Variants in OCA2 observed in about 807,000 individuals in gnomAD.
OCA2 encodes OCA2 melanosomal transmembrane protein.
Under a neutral mutation model 100.2 loss-of-function variants are expected in OCA2, and 77 were observed. That is an observed-to-expected ratio of 0.77 (90% CI 0.64 to 0.93). The LOEUF (loss-of-function observed/expected upper bound fraction) is 0.93. Ranked by LOEUF, OCA2 falls within the 40% of genes least tolerant of loss-of-function variation. The pLI, the probability that OCA2 is intolerant of heterozygous loss-of-function variation, is 0.00. For synonymous variants in OCA2, 432 were observed against 439.2 expected, an observed-to-expected ratio of 0.98 and a Z score of 0.21; for missense variants, 1,062 against 1,089.1, an observed-to-expected ratio of 0.98 and a Z score of 0.35.
At chr15:27,962,812 C>CTA (rs2040448873) in intron 15 of OCA2, among the ~76,000 whole-genome samples, 1 of 152,100 alleles carries the variant, frequency 6.6e-6, no homozygotes, top group South Asian at 2.1e-4. Context: ...AATCGCATCA[C>CTA]TAAGCACATT....
In OCA2 at chr15:27,968,986, C is replaced by CAA. The variant is rs61334149; in HGVS notation, c.1504-2166_1504-2165dup. ...TTTTAAATTCTTCTAAACTCAGAGG[C>CAA]AAAAAAAAAAAAAAAGGAACTGTTG... On this transcript the variant is annotated intron_variant, in intron 14 of 23. Transcript: ENST00000354638. Among the ~76,000 whole-genome samples the CAA allele has an allele frequency of 7.1e-5, 7 of 98,096 alleles. 1 individual carries two copies. The highest frequency in any genetic ancestry group is 2.0e-4 in the African/African-American group (6 of 30,238). The allele number at this position is 98,096 out of a possible 152,430, so 64.4% of individuals were successfully genotyped here.
intron 11 of OCA2, among the ~76,000 whole-genome samples, 157 bp downstream of exon 11, chr15:27,989,444 C>T (rs1361032679): frequency 2.0e-5 from 3 of 152,194 alleles, no homozygotes; most frequent in Non-Finnish European, 4.4e-5. Flanking sequence ...CCATTCCATT[C>T]CTCCTCAGGA....
At chr15:28,074,128 C>G (rs1264064233) in intron 2 of OCA2, among the ~76,000 whole-genome samples, 6 of 152,268 alleles carry the variant, frequency 3.9e-5, no homozygotes, top group Admixed American at 6.5e-5. Context: ...CCAAAGCAAT[C>G]TTGAGAAAGA....
chr15:27,997,040 AGAAAGAAGGAAGGAAG>A (rs892371042), intron 9 of OCA2, among the ~76,000 whole-genome samples: 2 of 149,554 alleles, frequency 1.3e-5, no homozygotes, highest in African/African-American at 4.9e-5. Context: ...AGAGAGAGAG[AGAAAGAAGGAAGGAAG>A]GAAAGAAGGA....
chr15:27,965,953 C>CTGTTTT (rs1555444556), intron 15 of OCA2, among the ~76,000 whole-genome samples: 18 of 150,928 alleles, frequency 1.2e-4, no homozygotes, highest in Admixed American at 1.2e-3. Context: ...TCAGCATCTG[C>CTGTTTT]TGTTTGTTTG....
intron 18 of OCA2, among the ~76,000 whole-genome samples, chr15:27,932,288 CT>C (rs1434868739): frequency 6.6e-6 from 1 of 152,222 alleles, no homozygotes; most frequent in East Asian, 1.9e-4. Context: ...AGGCATTCAT[CT>C]GTTTCACCTA....
chr15:27,997,332 T>C (rs574168248), intron 9 of OCA2, among the ~76,000 whole-genome samples: 1 of 152,290 alleles, frequency 6.6e-6, no homozygotes, highest in South Asian at 2.1e-4. Context: ...AAGTCTTTAA[T>C]CCATCTTGAA....
At chr15:27,938,413 C>T (rs140716504) in intron 18 of OCA2, among the ~76,000 whole-genome samples, 2 of 152,328 alleles carry the variant, frequency 1.3e-5, no homozygotes, top group Non-Finnish European at 2.9e-5. Flanking sequence ...TCATTGCTCA[C>T]TAGACCAAGT....
At chr15:27,859,497 C>G (rs1156719059) in intron 21 of OCA2, among the ~76,000 whole-genome samples, 1 of 152,170 alleles carries the variant, frequency 6.6e-6, no homozygotes, top group Non-Finnish European at 1.5e-5. Flanking sequence ...TTGATTAGAT[C>G]TGTAACTAGT....
intron 23 of OCA2, among the ~76,000 whole-genome samples, chr15:27,835,653 C>T (rs2035120878): frequency 2.0e-5 from 3 of 152,248 alleles, no homozygotes; most frequent in South Asian, 4.1e-4. Context: ...CCAGGGCCTT[C>T]CCCTTGGCTC....
At chr15:27,904,623 A>G (rs770117432) in intron 19 of OCA2, among the ~76,000 whole-genome samples, 1 of 152,138 alleles carries the variant, frequency 6.6e-6, no homozygotes, top group Admixed American at 6.5e-5. Flanking sequence ...TTAAGTGTAT[A>G]AAGTTCCTTC....
chr15:27,724,387 G>C, the OCA2 span, among the ~76,000 whole-genome samples: 2 of 152,072 alleles, frequency 1.3e-5, no homozygotes, highest in South Asian at 2.1e-4. Context: ...TGTGCACATC[G>C]GTCTCTGTGT....
chr15:27,735,459 CG>C, the OCA2 span, among the ~76,000 whole-genome samples: 4 of 151,890 alleles, frequency 2.6e-5, no homozygotes, highest in Admixed American at 2.6e-4. Flanking sequence ...GAAATAATAG[CG>C]GAAAACTTTT....
At chr15:28,024,818 T>C (rs772562763) in intron 5 of OCA2, 27 bp downstream of exon 5, 4 of 1,613,610 alleles carry the variant, frequency 2.5e-6, no homozygotes, top group African/African-American at 1.3e-5. Context: ...GACCCAACAG[T>C]AGTGCTGGGG....
chr15:27,804,845 G>T (rs557724358), intron 23 of OCA2, among the ~76,000 whole-genome samples: 2 of 152,340 alleles, frequency 1.3e-5, no homozygotes, highest in South Asian at 4.1e-4. Flanking sequence ...AGGCAGGCCT[G>T]TTCCTTAGGA....
chr15:28,018,319 C>G, intron 7 of OCA2, 78 bp downstream of exon 7: 3 of 1,427,304 alleles, frequency 2.1e-6, no homozygotes, highest in Non-Finnish European at 3.0e-6. Context: ...CCCATCAAAT[C>G]CATTCAAGAG....
At chr15:27,908,057 G>GA (rs907357022) in intron 19 of OCA2, among the ~76,000 whole-genome samples, 18 of 148,662 alleles carry the variant, frequency 1.2e-4, no homozygotes, top group South Asian at 4.3e-4. Flanking sequence ...GACTCATTAA[G>GA]AAAAAAAAAG....
At chr15:27,780,777 G>A (rs1409768570) in intron 23 of OCA2, among the ~76,000 whole-genome samples, 2 of 152,206 alleles carry the variant, frequency 1.3e-5, no homozygotes, top group Admixed American at 6.5e-5. Context: ...GATATCCTTT[G>A]AAGAGGAACG....
chr15:27,722,780 T>TTCTCTCTCTCTCTC, the OCA2 span, among the ~76,000 whole-genome samples: 2,883 of 134,204 alleles, frequency 0.021, 97 homozygotes, highest in East Asian at 0.13. Flanking sequence ...TTTTCTTTCT[T>TTCTCTCTCTCTCTC]TCTCTCTCTC....
Sources: allele counts gnomAD v4.1 joint callset (sites outside exome capture counted in the v4.1 genomes callset), GRCh38; gene constraint gnomAD v4.1.1; transcripts MANE v1.5; gene names NCBI Gene and HGNC (gene_info 2026-07-23, HGNC 2026-07-21).